Variants in ANKRD10 observed in about 807,000 individuals in gnomAD.
The protein encoded by ANKRD10 is ankyrin repeat domain 10.
Under a neutral mutation model 27.0 loss-of-function variants are expected in ANKRD10, and 14 were observed. That is an observed-to-expected ratio of 0.52 (90% CI 0.34 to 0.81). The LOEUF is 0.81. ANKRD10 is among the 40% of genes least tolerant of loss of function. The probability of loss-of-function intolerance (pLI) is 0.01; values close to 1 mark genes in which losing one functional copy is unlikely to be tolerated. For synonymous variants in ANKRD10, 250 were observed against 224.5 expected (o/e 1.11, Z -1.01); for missense variants, 493 against 544.0 (o/e 0.91, Z 0.93).
chr13:110,912,898 G>A (rs2065761133), intron 1 of ANKRD10, among the ~76,000 whole-genome samples: 1 of 152,186 alleles, frequency 6.6e-6, no homozygotes, highest in African/African-American at 2.4e-5. Context: ...GGCCCCTTCC[G>A]TATCTAAGAC....
At chr13:110,894,402 G>GAAAAAAAAAAAAAA (rs2065164788) in intron 3 of ANKRD10, 1 of 11,460 alleles carries the variant, frequency 8.7e-5, no homozygotes, top group Non-Finnish European at 1.8e-4. Context: ...TACTGTTAAT[G>GAAAAAAAAAAAAAA]CAAAAAAAAA....
At position 110,914,861 on chromosome 13, in the gene ANKRD10, G is replaced by A; in HGVS notation, c.74C>T (p.Pro25Leu). 1 of 1,557,550 alleles carries A rather than the reference G, an allele frequency of 6.4e-7. No individual in the cohort carries two copies. The highest frequency in any genetic ancestry group is 8.7e-7 in the Non-Finnish European group (1 of 1,153,426). ...CCCGTCGCGGCAGGCGCGGTGCAGC[G>A]GGAAACGGAGCGAGAGCAGCTCCTC... ...SSEELLSLRFPLHRACRDGDL... is the reference protein window; with the variant it reads ...SSEELLSLRFLLHRACRDGDL... The change falls in exon 1 of 6, where the codon CCG becomes CTG. Residue 25 changes from proline to leucine, a missense_variant. Physicochemically the swap from Pro to Leu is moderately conservative, Grantham distance 98. Transcript: ENST00000267339.
chr13:110,892,934 G>A, intron 4 of ANKRD10, 94 bp downstream of exon 4: 1 of 1,518,730 alleles, frequency 6.6e-7, no homozygotes, highest in Non-Finnish European at 8.8e-7. Context: ...CTGAAGTGAA[G>A]GTCTCATCTC....
intron 2 of ANKRD10, among the ~76,000 whole-genome samples, chr13:110,907,513 T>A (rs1252601492): frequency 6.6e-6 from 1 of 151,726 alleles, no homozygotes; most frequent in African/African-American, 2.4e-5. Context: ...CACCCAAAGT[T>A]AAAAAAAACA....
intron 5 of ANKRD10, among the ~76,000 whole-genome samples, chr13:110,880,734 T>C (rs2064801143): frequency 6.6e-6 from 1 of 152,182 alleles, no homozygotes; most frequent in South Asian, 2.1e-4. Flanking sequence ...TTTTTTTCAG[T>C]AGCACAGAAA....
intron 4 of ANKRD10, among the ~76,000 whole-genome samples, chr13:110,892,028 A>G (rs2065088244): frequency 6.6e-6 from 1 of 151,218 alleles, no homozygotes; most frequent in Non-Finnish European, 1.5e-5. Flanking sequence ...CATCTTATAT[A>G]TAGATATAGA....
intron 4 of ANKRD10, among the ~76,000 whole-genome samples, chr13:110,884,644 C>T (rs771092483): frequency 1.3e-5 from 2 of 152,236 alleles, no homozygotes; most frequent in East Asian, 1.9e-4. Flanking sequence ...GGCTGTATTA[C>T]GATTCGCCTA....
chr13:110,896,997 C>G (rs535039446), intron 3 of ANKRD10, among the ~76,000 whole-genome samples: 2 of 151,422 alleles, frequency 1.3e-5, no homozygotes, highest in Non-Finnish European at 1.5e-5. Context: ...TAAAAAAAAC[C>G]AGCATAATTG....
At chr13:110,895,944 T>C (rs2065214814) in intron 3 of ANKRD10, among the ~76,000 whole-genome samples, 1 of 152,172 alleles carries the variant, frequency 6.6e-6, no homozygotes, top group African/African-American at 2.4e-5. Flanking sequence ...ACCAACCAAA[T>C]TTCCATGTGG....
chr13:110,882,015 C>T (rs1382275638), intron 5 of ANKRD10, among the ~76,000 whole-genome samples: 2 of 152,084 alleles, frequency 1.3e-5, no homozygotes, highest in Non-Finnish European at 2.9e-5. Flanking sequence ...TCGGATCCCA[C>T]GAACATCCAA....
intron 4 of ANKRD10, among the ~76,000 whole-genome samples, chr13:110,890,970 G>T (rs765130006): frequency 6.6e-6 from 1 of 152,100 alleles, no homozygotes; most frequent in Non-Finnish European, 1.5e-5. Context: ...TGCTTTTCAG[G>T]GTAATTAAGC....
intron 3 of ANKRD10, among the ~76,000 whole-genome samples, chr13:110,901,299 G>A (rs2065374187): frequency 6.6e-6 from 1 of 152,272 alleles, no homozygotes; most frequent in African/African-American, 2.4e-5. Context: ...TATTTTTAAA[G>A]AGTTTCTACC....
intron 3 of ANKRD10, chr13:110,894,223 T>C (rs2065157840): frequency 6.4e-6 from 10 of 1,553,122 alleles, no homozygotes; most frequent in Non-Finnish European, 8.9e-6. Context: ...GCAGACATCC[T>C]GTTAGCTGCA....
chr13:110,889,219 G>A (rs899058205), intron 4 of ANKRD10, among the ~76,000 whole-genome samples: 2 of 152,174 alleles, frequency 1.3e-5, no homozygotes, highest in African/African-American at 2.4e-5. Flanking sequence ...GGTGCAGCTG[G>A]AGTCCTGAAG....
chr13:110,902,589 C>T (rs974624015), intron 3 of ANKRD10, among the ~76,000 whole-genome samples: 14 of 152,054 alleles, frequency 9.2e-5, no homozygotes, highest in African/African-American at 2.4e-4. Context: ...ATAAGGCTAT[C>T]GATGCTTCTC....
In ANKRD10 at chr13:110,914,984, G is replaced by C; in HGVS notation, c.-50C>G. 1.3e-6 allele frequency: 2 copies of C among 1,503,390 alleles called. No homozygotes were observed. Among genetic ancestry groups the C allele is most frequent in the Non-Finnish European group, 1.8e-6 (2 of 1,131,006 alleles). 93.1% of individuals were successfully genotyped at this position (1,503,390 alleles called of 1,614,324 possible). ...CTCGCTGGCCTAGAGGACGCGTCGG[G>C]GAGGACTCGAGAAGCCGCCGCCGCA... On this transcript the variant is annotated 5_prime_UTR_variant, in exon 1 of 6. Coordinates refer to ENST00000267339, the MANE Select transcript of ANKRD10 (RefSeq NM_017664.4).
At chr13:110,886,305 T>C (rs1010879948) in intron 4 of ANKRD10, among the ~76,000 whole-genome samples, 1 of 152,252 alleles carries the variant, frequency 6.6e-6, no homozygotes, top group African/African-American at 2.4e-5. Flanking sequence ...GATGCATCTT[T>C]TGTTAATGCA....
chr13:110,912,152 C>G (rs2065732851), intron 1 of ANKRD10, among the ~76,000 whole-genome samples: 1 of 152,218 alleles, frequency 6.6e-6, no homozygotes. Flanking sequence ...GTTCTCTGAT[C>G]CTGGACTGCT....
chr13:110,896,188 G>A (rs1317591890), intron 3 of ANKRD10, among the ~76,000 whole-genome samples: 2 of 152,160 alleles, frequency 1.3e-5, no homozygotes, highest in African/African-American at 4.8e-5. Flanking sequence ...CATGGTAACT[G>A]GAGGAATTAC....
Sources: allele counts gnomAD v4.1 joint callset (sites outside exome capture counted in the v4.1 genomes callset), GRCh38; gene constraint gnomAD v4.1.1; transcripts MANE v1.5; gene names NCBI Gene and HGNC (gene_info 2026-07-23, HGNC 2026-07-21).